The following SFSWAP variants were observed in gnomAD, a reference collection of about 807,000 sequenced individuals.
The protein encoded by SFSWAP is splicing factor SWAP.
In SFSWAP, 17 loss-of-function variants were observed where a neutral mutation model predicts 100.7. The observed-to-expected ratio is 0.17, with a 90% CI of 0.12 to 0.25. SFSWAP has a LOEUF of 0.25. Among genes scored for constraint, SFSWAP ranks in the 10% least tolerant of loss-of-function variants. The pLI, the probability that SFSWAP is intolerant of heterozygous loss-of-function variation, is 1.00. For synonymous variants in SFSWAP, 504 were observed against 510.1 expected, an observed-to-expected ratio of 0.99 and a Z score of 0.16; for missense variants, 1,005 against 1,262.6, an observed-to-expected ratio of 0.80 and a Z score of 3.09.
chr12:131,758,731 G>C (rs1882399781), intron 11 of SFSWAP, among the ~76,000 whole-genome samples: 1 of 152,204 alleles, frequency 6.6e-6, no homozygotes, highest in Non-Finnish European at 1.5e-5. Context: ...CAGATCACTT[G>C]AGTCCAGGAA....
rs373625070 is a variant in SFSWAP at position 131,797,283 on chromosome 12, G to A, written c.2640G>A (p.Ala880=). Residue 880 remains alanine, a synonymous_variant, in exon 16 of 18, where the codon GCG becomes GCA. Transcript: ENST00000261674. ...GCAAGCAGGCAGCGCCCCGGCCCGC[G>A]GCCCCCGCGGCCCACTCGGCGCACT... The part of the protein sequence containing the change: ...SPSKQAAPRP[A]APAAHSAHSA... 31 of 1,611,204 alleles carry A rather than the reference G, an allele frequency of 1.9e-5. No homozygotes were observed. In the East Asian group the frequency reaches 3.1e-4, roughly 16 times the overall value.
chr12:131,766,863 C>T (rs943171165), intron 13 of SFSWAP, among the ~76,000 whole-genome samples: 13 of 152,254 alleles, frequency 8.5e-5, no homozygotes, highest in African/African-American at 1.2e-4. Flanking sequence ...TACAAGTCTC[C>T]CTGCCAAGGA....
Position 131,714,293 on chromosome 12 carries a change from T to G in SFSWAP, c.388+53T>G, listed in dbSNP as rs1044103245. The G allele has an allele frequency of 3.2e-5, 48 of 1,481,696 alleles. No individual in the cohort carries two copies. The highest frequency in any genetic ancestry group is 4.2e-5 in the Non-Finnish European group (46 of 1,093,664). The allele number at this position is 1,481,696 out of a possible 1,614,324, so 91.8% of individuals were successfully genotyped here. On this transcript the variant is annotated intron_variant, in intron 2 of 17. Coordinates refer to ENST00000261674, the MANE Select transcript of SFSWAP (RefSeq NM_004592.4). The surrounding 1 kb of genome is among the most constrained non-coding windows in gnomAD (Gnocchi z 6.0). ...CAACAAACTTTTTAAAATTTTTAAG[T>G]ATTTAAAAATTTACTCCCATTCATT...
At chr12:131,726,233 C>T (rs1260577884) in intron 5 of SFSWAP, among the ~76,000 whole-genome samples, 3 of 151,856 alleles carry the variant, frequency 2.0e-5, no homozygotes, top group African/African-American at 4.8e-5. Flanking sequence ...GACAGAGTCT[C>T]GCTCTTGTCG....
chr12:131,770,035 C>G (rs1883457385), intron 13 of SFSWAP, among the ~76,000 whole-genome samples: 1 of 152,190 alleles, frequency 6.6e-6, no homozygotes, highest in Non-Finnish European at 1.5e-5. Context: ...ATGGTTGTAG[C>G]AGATGATGAT....
At chr12:131,739,856 T>C (rs1880436866) in intron 7 of SFSWAP, among the ~76,000 whole-genome samples, 1 of 152,214 alleles carries the variant, frequency 6.6e-6, no homozygotes, top group Admixed American at 6.5e-5. Context: ...AGTTGCTTAC[T>C]TTTAGTTTTA....
At chr12:131,721,980 C>T (rs1452142882) in intron 4 of SFSWAP, among the ~76,000 whole-genome samples, 1 of 152,144 alleles carries the variant, frequency 6.6e-6, no homozygotes, top group East Asian at 1.9e-4. Flanking sequence ...GTAAATTATA[C>T]ACCGTGGTGT....
intron 15 of SFSWAP, among the ~76,000 whole-genome samples, chr12:131,789,812 A>T (rs565006614): frequency 1.8e-4 from 27 of 152,290 alleles, no homozygotes; most frequent in African/African-American, 6.3e-4. Flanking sequence ...TGCGTAGGCG[A>T]CATTGCGTAG....
chr12:131,714,896 A>G lies in SFSWAP; in HGVS notation c.463A>G (p.Ser155Gly). 1 of 1,614,194 alleles carries G rather than the reference A, an allele frequency of 6.2e-7. No homozygotes were observed. Among genetic ancestry groups the G allele is most frequent in the Non-Finnish European group, 8.5e-7 (1 of 1,180,024 alleles). Residue 155 changes from serine to glycine, a missense_variant, in exon 3 of 18, where the codon AGC becomes GGC. Ser to Gly is a moderately conservative substitution (Grantham distance 56, BLOSUM62 0). Coordinates refer to ENST00000261674, the MANE Select transcript of SFSWAP (RefSeq NM_004592.4). The surrounding 1 kb of genome is among the most constrained non-coding windows in gnomAD (Gnocchi z 6.0). The stretch of plus-strand genomic sequence containing the variant: ...CAATGCCGTGGGGTTCACTTACGGT[A>G]GCGACTATTACGACCCGTCAGAGCC... ...SYNAVGFTYG[S>G]DYYDPSEPTE...
chr12:131,766,364 G>A (rs1883119949), intron 13 of SFSWAP, 56 bp downstream of exon 13: 1 of 1,519,500 alleles, frequency 6.6e-7, no homozygotes, highest in Non-Finnish European at 9.0e-7. Flanking sequence ...TAGAGGCAGG[G>A]AGGATGTGTC....
At chr12:131,729,195 T>C (rs1318705717) in intron 7 of SFSWAP, among the ~76,000 whole-genome samples, 2 of 152,138 alleles carry the variant, frequency 1.3e-5, no homozygotes, top group African/African-American at 4.8e-5. Context: ...TCTAACACAG[T>C]TGCTTTCTTT....
At chr12:131,718,935 C>T (rs1351379813) in intron 3 of SFSWAP, among the ~76,000 whole-genome samples, 1 of 152,094 alleles carries the variant, frequency 6.6e-6, no homozygotes, top group South Asian at 2.1e-4. Flanking sequence ...AGCAGAATCC[C>T]GGAGCTAACA....
intron 3 of SFSWAP, among the ~76,000 whole-genome samples, chr12:131,716,839 G>A (rs568475083): frequency 1.3e-5 from 2 of 152,252 alleles, no homozygotes; most frequent in South Asian, 2.1e-4. Flanking sequence ...TAATTATTGG[G>A]CTAAATGATG....
At chr12:131,755,568 A>G in intron 10 of SFSWAP, 89 bp downstream of exon 10, 1 of 860,554 alleles carries the variant, frequency 1.2e-6, no homozygotes, top group Non-Finnish European at 1.9e-6. Flanking sequence ...CTTCTCCTAC[A>G]GGTGAAAGGG....
At position 131,714,003 on chromosome 12, in the gene SFSWAP, A is replaced by C; in HGVS notation, c.219-68A>C. The stretch of plus-strand genomic sequence containing the variant: ...GTGTGTATATATATATACATATATA[A>C]AACATCACACACGCACACCAGTCTA... On this transcript the variant is annotated intron_variant, in intron 1 of 17. Transcript: ENST00000261674. This position sits in a 1 kb window ranked among gnomAD's most constrained non-coding sequence, Gnocchi z 6.0. 1 of 1,168,512 alleles carries C rather than the reference A, an allele frequency of 8.6e-7. No homozygotes were observed. The highest frequency in any genetic ancestry group is 1.4e-5 in the South Asian group (1 of 70,686). The allele number at this position is 1,168,512 out of a possible 1,614,324, so 72.4% of individuals were successfully genotyped here.
At chr12:131,735,240 C>T (rs916959144) in intron 7 of SFSWAP, among the ~76,000 whole-genome samples, 11 of 152,236 alleles carry the variant, frequency 7.2e-5, no homozygotes, top group African/African-American at 2.2e-4. Context: ...ATCATCCCTA[C>T]ACGCCCGCGC....
rs1418472816 is a variant in SFSWAP, at chr12:131,711,725, G to A, written c.218+278G>A. The A allele has an allele frequency of 4.7e-6, 2 of 421,846 alleles. No individual in the cohort carries two copies. The highest frequency in any genetic ancestry group is 4.3e-6 in the Non-Finnish European group (1 of 230,500). The allele number at this position is 421,846 out of a possible 1,614,324, so 26.1% of individuals were successfully genotyped here. A position where few individuals can be genotyped will look rare whatever the true frequency, so the allele number is the denominator to read the frequency against. Reference sequence around the variant, plus strand: ...TCTCGACCCCTCACCCTGTCGCTGGGCTGCAGTTGGCGATTCCGCGCGGTG... The same window carrying A: ...TCTCGACCCCTCACCCTGTCGCTGGACTGCAGTTGGCGATTCCGCGCGGTG... On this transcript the variant is annotated intron_variant, in intron 1 of 17. Coordinates refer to ENST00000261674, the MANE Select transcript of SFSWAP (RefSeq NM_004592.4). The surrounding 1 kb of genome is among the most constrained non-coding windows in gnomAD (Gnocchi z 4.9).
chr12:131,765,966 A>T, intron 12 of SFSWAP, 152 bp from the exon 13 acceptor site: 1 of 703,060 alleles, frequency 1.4e-6, no homozygotes, highest in Non-Finnish European at 2.3e-6. Flanking sequence ...TTATAAACTA[A>T]TTCTCTCAAA....
chr12:131,738,561 C>T (rs1053829577), intron 7 of SFSWAP, among the ~76,000 whole-genome samples: 4 of 152,266 alleles, frequency 2.6e-5, no homozygotes, highest in East Asian at 3.9e-4. Flanking sequence ...TGTCGAACTT[C>T]GGATGAAAGT....
Sources: gnomAD v4.1 joint callset for allele counts (sites outside exome capture counted in the v4.1 genomes callset) on GRCh38, gnomAD v4.1.1 for gene constraint, Gnocchi (gnomAD v3.1) non-coding constraint, MANE v1.5 for transcripts, NCBI Gene and HGNC (gene_info 2026-07-23, HGNC 2026-07-21) for gene names.